Variants in ARHGAP32 observed in about 807,000 individuals in gnomAD.
ARHGAP32 encodes rho GTPase-activating protein 32.
ARHGAP32 carries 51 observed loss-of-function variants against 186.5 expected under a neutral mutation model. The ratio of observed to expected loss-of-function variants is 0.27; its 90% CI spans 0.22 to 0.35. ARHGAP32 has a LOEUF of 0.35. ARHGAP32 is among the 10% of genes least tolerant of loss of function. The pLI, the probability that ARHGAP32 is intolerant of heterozygous loss-of-function variation, is 1.00. For synonymous variants in ARHGAP32, 950 were observed against 964.3 expected (o/e 0.99, Z 0.27); for missense variants, 2,186 against 2,623.5 (o/e 0.83, Z 3.64).
At chr11:129,254,748 C>T (rs1293667917) in intron 1 of ARHGAP32, among the ~76,000 whole-genome samples, 2 of 152,048 alleles carry the variant, frequency 1.3e-5, no homozygotes, top group African/African-American at 4.8e-5. Context: ...CAACTGGTTA[C>T]TTACAAATGA....
At chr11:129,052,289 A>C (rs1452730039) in intron 10 of ARHGAP32, among the ~76,000 whole-genome samples, 2 of 152,104 alleles carry the variant, frequency 1.3e-5, no homozygotes, top group Non-Finnish European at 2.9e-5. Flanking sequence ...CACCAATACC[A>C]CACTCTCTTG....
intron 13 of ARHGAP32, among the ~76,000 whole-genome samples, chr11:128,987,266 C>A (rs991975306): frequency 6.6e-6 from 1 of 152,158 alleles, no homozygotes; most frequent in African/African-American, 2.4e-5. Flanking sequence ...AATTAATATT[C>A]ATCCACGGGC....
At chr11:129,154,769 T>C (rs780893185) in intron 2 of ARHGAP32, among the ~76,000 whole-genome samples, 1 of 152,074 alleles carries the variant, frequency 6.6e-6, no homozygotes, top group Non-Finnish European at 1.5e-5. Context: ...AGACTATACA[T>C]CGGGTACAAT....
chr11:129,239,636 A>G (rs1944988228), intron 1 of ARHGAP32, among the ~76,000 whole-genome samples: 1 of 152,100 alleles, frequency 6.6e-6, no homozygotes, highest in East Asian at 1.9e-4. Flanking sequence ...ATTCCTTAGC[A>G]CATTAGGGTT....
chr11:129,127,243 G>C, intron 2 of ARHGAP32, among the ~76,000 whole-genome samples: 1 of 152,162 alleles, frequency 6.6e-6, no homozygotes, highest in East Asian at 1.9e-4. Flanking sequence ...GACTGTAGAT[G>C]GAAACATGAC....
intron 1 of ARHGAP32, among the ~76,000 whole-genome samples, chr11:129,276,987 A>G (rs1328869506): frequency 2.0e-5 from 3 of 152,356 alleles, no homozygotes; most frequent in African/African-American, 7.2e-5. Context: ...TAAATCCGAA[A>G]AATTCTCAAG....
intron 11 of ARHGAP32, among the ~76,000 whole-genome samples, chr11:129,012,040 T>C (rs889497281): frequency 1.3e-5 from 2 of 152,212 alleles, no homozygotes; most frequent in East Asian, 3.8e-4. Flanking sequence ...GAAACTTCCC[T>C]GAGTGTATCT....
chr11:129,017,729 G>C (rs1938420548), intron 11 of ARHGAP32, among the ~76,000 whole-genome samples: 2 of 151,832 alleles, frequency 1.3e-5, no homozygotes, highest in African/African-American at 4.8e-5. Flanking sequence ...AATTCTTTTT[G>C]TCTAACTTCA....
intron 2 of ARHGAP32, among the ~76,000 whole-genome samples, chr11:129,162,149 G>A (rs1191386697): frequency 3.3e-5 from 5 of 152,082 alleles, no homozygotes; most frequent in Non-Finnish European, 7.4e-5. Flanking sequence ...CCTGTCAGGG[G>A]GTGGGGGCTA....
At chr11:129,013,402 G>C (rs1938186298) in intron 11 of ARHGAP32, among the ~76,000 whole-genome samples, 1 of 152,142 alleles carries the variant, frequency 6.6e-6, no homozygotes, top group South Asian at 2.1e-4. Context: ...ATCCCAATCT[G>C]AGACACTGAA....
At chr11:129,207,368 G>C (rs185639242) in intron 1 of ARHGAP32, among the ~76,000 whole-genome samples, 1 of 152,220 alleles carries the variant, frequency 6.6e-6, no homozygotes, top group African/African-American at 2.4e-5. Context: ...GTGTAAAAAC[G>C]TTCCTATTTC....
At chr11:129,193,644 TATA>T (rs1944335641), upstream of ARHGAP32, among the ~76,000 whole-genome samples, 1 of 79,650 alleles carries the variant, frequency 1.3e-5, no homozygotes, top group South Asian at 2.9e-4. Flanking sequence ...ATATATGTTA[TATA>T]ATACATATAC....
chr11:129,235,620 A>G (rs1329662279), intron 1 of ARHGAP32, among the ~76,000 whole-genome samples: 1 of 152,080 alleles, frequency 6.6e-6, no homozygotes, highest in Non-Finnish European at 1.5e-5. Context: ...TAAATTCTTC[A>G]GTGGTGATTT....
intron 11 of ARHGAP32, among the ~76,000 whole-genome samples, chr11:129,008,184 C>A (rs898484813): frequency 6.6e-6 from 1 of 152,190 alleles, no homozygotes; most frequent in African/African-American, 2.4e-5. Flanking sequence ...AAATCAGGTA[C>A]TATGAGTGCT....
chr11:129,018,566 TGA>T (rs1794212321), intron 11 of ARHGAP32, among the ~76,000 whole-genome samples: 1 of 152,222 alleles, frequency 6.6e-6, no homozygotes, highest in Admixed American at 6.5e-5. Context: ...TTTAGGCAAC[TGA>T]GAAAGTTTCT....
intron 6 of ARHGAP32, among the ~76,000 whole-genome samples, chr11:129,087,787 C>T (rs1197441342): frequency 6.6e-6 from 1 of 152,052 alleles, no homozygotes; most frequent in Admixed American, 6.5e-5. Flanking sequence ...ACAAATGTAC[C>T]ACTGTGGTGT....
intron 11 of ARHGAP32, among the ~76,000 whole-genome samples, chr11:129,027,637 G>C (rs144245306): frequency 1.3e-5 from 2 of 152,180 alleles, no homozygotes; most frequent in African/African-American, 2.4e-5. Context: ...TCAGGTCTTT[G>C]TTCAAAAGTA....
chr11:129,273,336 T>C (rs4616048), intron 1 of ARHGAP32, among the ~76,000 whole-genome samples: 81,754 of 151,992 alleles, frequency 0.54, 22,284 homozygotes, highest in East Asian at 0.68. Flanking sequence ...GAGATGTGGT[T>C]TCCCTTATCC....
intron 2 of ARHGAP32, among the ~76,000 whole-genome samples, chr11:129,159,656 G>A (rs956459684): frequency 1.8e-4 from 28 of 151,834 alleles, no homozygotes; most frequent in African/African-American, 6.0e-4. Context: ...AGAGAAGCTG[G>A]TACCATTCCT....
Sources: allele counts gnomAD v4.1 joint callset (sites outside exome capture counted in the v4.1 genomes callset), GRCh38; gene constraint gnomAD v4.1.1; transcripts MANE v1.5; gene names NCBI Gene and HGNC (gene_info 2026-07-23, HGNC 2026-07-21).